Variants in ITPK1 observed in about 807,000 individuals in gnomAD.
ITPK1 encodes inositol-tetrakisphosphate 1-kinase, also known as inositol 1,3,4-trisphosphate 5/6-kinase.
A neutral mutation model predicts 45.3 loss-of-function variants in ITPK1; 21 were observed. That is an observed-to-expected ratio of 0.46 (90% CI 0.33 to 0.67). The LOEUF (loss-of-function observed/expected upper bound fraction) is 0.67. Ranked by LOEUF, ITPK1 falls within the 30% of genes least tolerant of loss-of-function variation. The pLI is 0.02. For synonymous variants in ITPK1, 258 were observed against 253.6 expected, an observed-to-expected ratio of 1.02 and a Z score of -0.16; for missense variants, 474 against 573.5, an observed-to-expected ratio of 0.83 and a Z score of 1.77.
intron 3 of ITPK1, among the ~76,000 whole-genome samples, chr14:93,017,613 G>A (rs934828590): frequency 7.9e-5 from 12 of 152,188 alleles, no homozygotes; most frequent in Non-Finnish European, 1.5e-4. Flanking sequence ...CTCCCGGCAC[G>A]CGGCCACCAC....
intron 5 of ITPK1, among the ~76,000 whole-genome samples, chr14:92,990,982 G>GA (rs1194469062): frequency 1.2e-4 from 18 of 151,962 alleles, no homozygotes; most frequent in Admixed American, 7.2e-4. Context: ...CAGAGTCTCT[G>GA]AAAACAGAGC....
At chr14:92,949,795 G>A (rs913402872) in intron 9 of ITPK1, among the ~76,000 whole-genome samples, 1 of 152,248 alleles carries the variant, frequency 6.6e-6, no homozygotes, top group Non-Finnish European at 1.5e-5. Context: ...TTCCGAAGTT[G>A]TCTGGTTATC....
intron 5 of ITPK1, among the ~76,000 whole-genome samples, chr14:92,965,927 C>T (rs762839638): frequency 6.6e-6 from 1 of 152,202 alleles, no homozygotes. Flanking sequence ...CGCTTGAATG[C>T]AGGAGGTGGA....
chr14:92,991,158 A>G (rs983028031), intron 5 of ITPK1, among the ~76,000 whole-genome samples: 1 of 152,170 alleles, frequency 6.6e-6, no homozygotes, highest in Non-Finnish European at 1.5e-5. Context: ...TACGCCTGAA[A>G]GGGCTGAGTG....
intron 3 of ITPK1, among the ~76,000 whole-genome samples, chr14:93,062,551 C>T (rs551649635): frequency 6.6e-6 from 1 of 152,218 alleles, no homozygotes; most frequent in Admixed American, 6.5e-5. Context: ...GGTTATCCTT[C>T]GGCTAGGGAG....
intron 5 of ITPK1, among the ~76,000 whole-genome samples, chr14:92,963,532 A>C (rs1256862674): frequency 1.3e-5 from 2 of 152,144 alleles, no homozygotes; most frequent in Non-Finnish European, 1.5e-5. Flanking sequence ...CCTCCCCACC[A>C]CGCTCACTGC....
chr14:92,991,902 G>C (rs373533223), intron 5 of ITPK1, among the ~76,000 whole-genome samples: 4 of 152,260 alleles, frequency 2.6e-5, no homozygotes, highest in Non-Finnish European at 4.4e-5. Context: ...CCAGTGGGCC[G>C]GTCCCATGCT....
rs141621467 is a variant in ITPK1 at position 93,011,251 on chromosome 14, C to T, written c.246+5425G>A. Among the ~76,000 whole-genome samples, 7 of 152,294 alleles carry T rather than the reference C, an allele frequency of 4.6e-5. No homozygotes were observed. In the East Asian group the frequency reaches 1.4e-3, roughly 29 times the overall value. On this transcript the variant is annotated intron_variant, in intron 4 of 10. Coordinates refer to ENST00000267615, the MANE Select transcript of ITPK1 (RefSeq NM_014216.6). The stretch of plus-strand genomic sequence containing the variant: ...GGCTGCAAAGCTGTAGTTAACCCTC[C>T]GTGACCACGTGGTGCAAGCCCAGCT...
intron 9 of ITPK1, among the ~76,000 whole-genome samples, chr14:92,947,378 C>A (rs906544254): frequency 3.9e-5 from 6 of 152,214 alleles, no homozygotes; most frequent in African/African-American, 1.2e-4. Flanking sequence ...CTGTGCCTGT[C>A]GCAGCTGGCC....
rs2139703141 is a variant in ITPK1, at chr14:92,946,462, G to T, written c.770C>A (p.Pro257Gln). 6.2e-7 allele frequency: 1 copy of T among 1,612,812 alleles called. No homozygotes were observed. The change falls in exon 10 of 11, where the codon CCG (proline) becomes CAG (glutamine). Residue 257 changes from proline (P) to glutamine (Q), a missense_variant. Transcript: ENST00000267615. ...LDKIEGVFER[P>Q]SDEVIRELSR... ...GAGCTCCCGGATGACCTCGTCGCTC[G>T]GCCGCTCGAACACGCCCTCGATCTT...
At chr14:93,000,688 A>C (rs1188698424) in intron 4 of ITPK1, among the ~76,000 whole-genome samples, 1 of 152,226 alleles carries the variant, frequency 6.6e-6, no homozygotes, top group African/African-American at 2.4e-5. Context: ...TGAACTCGAC[A>C]TATCACTGTG....
chr14:93,110,578 A>G (rs903126985), intron 2 of ITPK1, among the ~76,000 whole-genome samples: 2 of 152,192 alleles, frequency 1.3e-5, no homozygotes, highest in Non-Finnish European at 2.9e-5. Context: ...ACGCCTCCCA[A>G]GCCAGTTTAC....
intron 2 of ITPK1, among the ~76,000 whole-genome samples, chr14:93,080,894 G>T (rs1049539309): frequency 1.3e-5 from 2 of 152,044 alleles, no homozygotes; most frequent in Non-Finnish European, 2.9e-5. Context: ...TTGCCATGAT[G>T]CCAGCCAATT....
chr14:93,002,263 C>T (rs1887391767), intron 4 of ITPK1, among the ~76,000 whole-genome samples: 1 of 152,136 alleles, frequency 6.6e-6, no homozygotes, highest in African/African-American at 2.4e-5. Flanking sequence ...ATCACTTGAG[C>T]CAGGAAGGTC....
At chr14:93,088,651 A>G (rs760177415) in intron 2 of ITPK1, among the ~76,000 whole-genome samples, 12 of 151,668 alleles carry the variant, frequency 7.9e-5, no homozygotes, top group Admixed American at 6.6e-4. Flanking sequence ...CCTCTGCACC[A>G]GGCCTCTTTT....
chr14:93,086,977 G>A (rs1270865307), intron 2 of ITPK1, among the ~76,000 whole-genome samples: 2 of 152,232 alleles, frequency 1.3e-5, no homozygotes, highest in Non-Finnish European at 2.9e-5. Flanking sequence ...CCTTGACCTT[G>A]ACCCTGACCC....
rs770550477 is a variant in ITPK1, at chr14:93,109,576, C to T, written c.95+5493G>A. On this transcript the variant is annotated intron_variant, in intron 2 of 10. Transcript: ENST00000267615. ...ATCCAGAACAAACTCTTCTCAATCT[C>T]CAAACTTAAAAAAATACAAGTAGCA... Among the ~76,000 whole-genome samples the T allele has an allele frequency of 3.9e-5, 6 of 152,174 alleles. No individual in the cohort carries two copies. In the East Asian group the frequency reaches 7.7e-4, roughly 20 times the overall value.
rs150090600 is a variant in ITPK1 at position 93,099,304 on chromosome 14, G to C, written c.95+15765C>G. ...TGCTCCAGGCTCTCAGAATTCCCAG[G>C]ATCCAGCAAAAAGACACCTTCTCAA... On this transcript the variant is annotated intron_variant, in intron 2 of 10. Coordinates refer to ENST00000267615, the MANE Select transcript of ITPK1 (RefSeq NM_014216.6). 4.1e-3 allele frequency among the ~76,000 whole-genome samples: 619 copies of C among 152,102 alleles called. 2 individuals are homozygous for C. Among genetic ancestry groups the C allele is most frequent in the African/African-American group, 0.014 (578 of 41,488 alleles).
chr14:93,073,370 A>G (rs902020036), intron 3 of ITPK1, among the ~76,000 whole-genome samples: 1 of 152,230 alleles, frequency 6.6e-6, no homozygotes, highest in African/African-American at 2.4e-5. Context: ...CTCAGCCTCC[A>G]GCACAGGCAC....
Sources: gnomAD v4.1 joint callset for allele counts (sites outside exome capture counted in the v4.1 genomes callset) on GRCh38, gnomAD v4.1.1 for gene constraint, MANE v1.5 for transcripts, NCBI Gene and HGNC (gene_info 2026-07-23, HGNC 2026-07-21) for gene names.